The following ULK4 variants were observed in gnomAD, a reference collection of about 807,000 sequenced individuals.
ULK4 encodes the protein unc-51 like kinase 4.
ULK4 carries 133 observed loss-of-function variants against 160.6 expected under a neutral mutation model. The observed-to-expected ratio is 0.83, with a 90% CI of 0.72 to 0.96. The LOEUF (loss-of-function observed/expected upper bound fraction) is 0.96, where lower values mean the gene tolerates loss of function less well. Ranked by LOEUF, ULK4 falls within the 40% of genes least tolerant of loss-of-function variation. ULK4 has a pLI of 0.00. For synonymous variants in ULK4, 534 were observed against 539.8 expected (o/e 0.99, Z 0.15); for missense variants, 1,580 against 1,499.5 (o/e 1.05, Z -0.89).
intron 23 of ULK4, among the ~76,000 whole-genome samples, chr3:41,717,196 T>C (rs982166738): frequency 6.6e-6 from 1 of 152,150 alleles, no homozygotes; most frequent in Non-Finnish European, 1.5e-5. Context: ...ACACCCTAAA[T>C]ACCCTGGCTT....
chr3:41,717,602 G>A (rs535862001), intron 23 of ULK4, 126 bp downstream of exon 23: 7 of 1,189,198 alleles, frequency 5.9e-6, no homozygotes, highest in Middle Eastern at 2.0e-4. Context: ...CTACATATTC[G>A]TTAAAAAGTG....
chr3:41,748,535 C>T (rs905313085), intron 22 of ULK4, among the ~76,000 whole-genome samples: 4 of 152,086 alleles, frequency 2.6e-5, no homozygotes, highest in African/African-American at 9.7e-5. Flanking sequence ...TTGTTTTCAA[C>T]TTTTAAAGAC....
At chr3:41,575,060 T>TG (rs1428698474) in intron 31 of ULK4, among the ~76,000 whole-genome samples, 1 of 152,312 alleles carries the variant, frequency 6.6e-6, no homozygotes, top group African/African-American at 2.4e-5. Context: ...GGGGTGTTGT[T>TG]ACTCCAGTGC....
At position 41,429,553 on chromosome 3, in the gene ULK4, G is replaced by A. The variant is rs148034440; in HGVS notation, c.3492+25944C>T. Reference sequence around the variant, plus strand: ...AAAACGTGGCACATATACATACTACGCAGCCATAAAAAGGAATGAGATCAT... The same window carrying A: ...AAAACGTGGCACATATACATACTACACAGCCATAAAAAGGAATGAGATCAT... On this transcript the variant is annotated intron_variant, in intron 34 of 36. Transcript: ENST00000301831. 3.2e-3 allele frequency among the ~76,000 whole-genome samples: 492 copies of A among 152,168 alleles called. 4 individuals carry two copies. Among genetic ancestry groups the A allele is most frequent in the African/African-American group, 0.011 (452 of 41,552 alleles).
At chr3:41,261,323 T>C (rs1473258857) in intron 35 of ULK4, among the ~76,000 whole-genome samples, 2 of 152,108 alleles carry the variant, frequency 1.3e-5, no homozygotes, top group African/African-American at 4.8e-5. Flanking sequence ...GAAAAACAAG[T>C]ATTAACTGTG....
chr3:41,822,937 T>A (rs1402604336), intron 18 of ULK4, among the ~76,000 whole-genome samples: 2 of 150,244 alleles, frequency 1.3e-5, no homozygotes, highest in African/African-American at 4.9e-5. Context: ...TTAGCCAGGA[T>A]GGTCTCGATC....
chr3:41,779,985 T>TTAAAAA (rs1265057103), intron 21 of ULK4, among the ~76,000 whole-genome samples: 25 of 59,358 alleles, frequency 4.2e-4, no homozygotes, highest in African/African-American at 9.3e-4. Flanking sequence ...TAGAGTATAA[T>TTAAAAA]AAAAAAAAAA....
chr3:41,419,829 A>G (rs2082618825), intron 34 of ULK4, among the ~76,000 whole-genome samples: 2 of 151,966 alleles, frequency 1.3e-5, no homozygotes, highest in African/African-American at 4.8e-5. Context: ...GACTTCTGAA[A>G]ATGCCTCTTT....
At chr3:41,355,453 T>C (rs1374676197) in intron 35 of ULK4, among the ~76,000 whole-genome samples, 1 of 152,226 alleles carries the variant, frequency 6.6e-6, no homozygotes, top group South Asian at 2.1e-4. Context: ...AGTAATTCCC[T>C]GTATGGATAT....
At chr3:41,562,160 G>T (rs2087604488) in intron 32 of ULK4, among the ~76,000 whole-genome samples, 1 of 152,168 alleles carries the variant, frequency 6.6e-6, no homozygotes, top group African/African-American at 2.4e-5. Context: ...TTTCCATGTA[G>T]TCGTGCAGTT....
At chr3:41,431,648 G>T in intron 34 of ULK4, among the ~76,000 whole-genome samples, 1 of 147,762 alleles carries the variant, frequency 6.8e-6, no homozygotes, top group African/African-American at 2.5e-5. Flanking sequence ...TAAACAAACG[G>T]GTGTTCAGAG....
intron 22 of ULK4, among the ~76,000 whole-genome samples, chr3:41,726,333 A>AT (rs2037650797): frequency 6.6e-6 from 1 of 152,206 alleles, no homozygotes; most frequent in African/African-American, 2.4e-5. Flanking sequence ...GCTCTCCCCA[A>AT]TGCCTCCCCA....
At chr3:41,475,758 C>G (rs947865489) in intron 32 of ULK4, among the ~76,000 whole-genome samples, 1 of 152,158 alleles carries the variant, frequency 6.6e-6, no homozygotes, top group African/African-American at 2.4e-5. Context: ...GGACTGAAGT[C>G]AGACTTCAAG....
intron 30 of ULK4, among the ~76,000 whole-genome samples, chr3:41,641,021 C>T (rs1173480509): frequency 6.6e-6 from 1 of 152,154 alleles, no homozygotes; most frequent in Non-Finnish European, 1.5e-5. Flanking sequence ...ATGGTCAAGG[C>T]TTTGCTCTAA....
At chr3:41,317,836 AG>A (rs2080174800) in intron 35 of ULK4, among the ~76,000 whole-genome samples, 2 of 152,220 alleles carry the variant, frequency 1.3e-5, no homozygotes, top group Admixed American at 1.3e-4. Flanking sequence ...TGCCACCACC[AG>A]AATACCTTCC....
intron 32 of ULK4, among the ~76,000 whole-genome samples, chr3:41,551,316 G>A (rs1045139039): frequency 3.3e-5 from 5 of 151,026 alleles, no homozygotes; most frequent in African/African-American, 1.2e-4. Flanking sequence ...AGGCAAAAAA[G>A]TATAAAGGAT....
At chr3:41,469,668 A>AAGAGGAGTTG (rs1559625929) in intron 32 of ULK4, among the ~76,000 whole-genome samples, 4 of 149,830 alleles carry the variant, frequency 2.7e-5, no homozygotes, top group Admixed American at 6.7e-5. Context: ...CCTCAACTGC[A>AAGAGGAGTTG]CAAACACCAA....
Position 41,958,520 on chromosome 3 carries a change from G to A in ULK4, c.-49+3496C>T, listed in dbSNP as rs1257934914. ...AGTTCAGGACCAGGCTGGCCAACAT[G>A]GTGAAACCTCATCTCTACTAAAAAT... On this transcript the variant is annotated intron_variant, in intron 1 of 36. Coordinates refer to ENST00000301831, the MANE Select transcript of ULK4 (RefSeq NM_017886.4). Among the ~76,000 whole-genome samples the A allele has an allele frequency of 5.3e-5, 8 of 151,078 alleles. No individual in the cohort carries two copies. The South Asian group carries it at 8.4e-4, about 16-fold the overall frequency.
rs114577363 is a variant in ULK4, at chr3:41,555,958, T to C, written c.3226+10067A>G. ...ACCAAATATGGTGTATTCTCACTTA[T>C]AAGTAGGAGCTAAATGATGAGAATA... On this transcript the variant is annotated intron_variant, in intron 32 of 36. Coordinates refer to ENST00000301831, the MANE Select transcript of ULK4 (RefSeq NM_017886.4). 2.4e-3 allele frequency among the ~76,000 whole-genome samples: 372 copies of C among 152,276 alleles called. 1 individual carries two copies. The highest frequency in any genetic ancestry group is 8.1e-3 in the African/African-American group (335 of 41,552).
Sources: gnomAD v4.1 joint callset for allele counts (sites outside exome capture counted in the v4.1 genomes callset) on GRCh38, gnomAD v4.1.1 for gene constraint, MANE v1.5 for transcripts, NCBI Gene and HGNC (gene_info 2026-07-23, HGNC 2026-07-21) for gene names.